The following PRKAG2 variants were observed in gnomAD, a reference collection of about 807,000 sequenced individuals.
PRKAG2 encodes the protein 5'-AMP-activated protein kinase subunit gamma-2.
PRKAG2 carries 26 observed loss-of-function variants against 69.6 expected under a neutral mutation model. The observed-to-expected ratio is 0.37, with a 90% CI of 0.27 to 0.52. The LOEUF is 0.52. PRKAG2 is among the 20% of genes least tolerant of loss of function. The pLI, the probability that PRKAG2 is intolerant of heterozygous loss-of-function variation, is 0.90. For synonymous variants in PRKAG2, 293 were observed against 285.0 expected (o/e 1.03, Z -0.28); for missense variants, 557 against 740.0 (o/e 0.75, Z 2.87).
intron 3 of PRKAG2, among the ~76,000 whole-genome samples, chr7:151,676,075 C>G (rs1344141716): frequency 6.6e-6 from 1 of 152,134 alleles, no homozygotes; most frequent in Non-Finnish European, 1.5e-5. Flanking sequence ...CTATTTTCCT[C>G]CATTCAGCCA....
intron 3 of PRKAG2, among the ~76,000 whole-genome samples, chr7:151,707,710 G>C (rs1838861493): frequency 6.6e-6 from 1 of 152,186 alleles, no homozygotes; most frequent in African/African-American, 2.4e-5. Flanking sequence ...CTGCTGCAGT[G>C]GCAAACAAAG....
At chr7:151,806,684 C>A in intron 1 of PRKAG2, 1 of 201,322 alleles carries the variant, frequency 5.0e-6, no homozygotes, top group Middle Eastern at 1.3e-3. Flanking sequence ...TATGCCAGAG[C>A]TGGCTGGGTA....
chr7:151,570,645 T>G (rs1807323912), intron 9 of PRKAG2, among the ~76,000 whole-genome samples: 1 of 152,244 alleles, frequency 6.6e-6, no homozygotes, highest in African/African-American at 2.4e-5. Context: ...ACTTTGTTCT[T>G]TAAATATTTT....
chr7:151,602,201 T>C (rs1289052155), intron 5 of PRKAG2, among the ~76,000 whole-genome samples: 1 of 152,254 alleles, frequency 6.6e-6, no homozygotes, highest in African/African-American at 2.4e-5. Flanking sequence ...CAGTCAAGCA[T>C]ACATTCAGCC....
chr7:151,593,654 A>G (rs1431484407), intron 6 of PRKAG2, among the ~76,000 whole-genome samples: 1 of 152,116 alleles, frequency 6.6e-6, no homozygotes, highest in African/African-American at 2.4e-5. Context: ...TGTTATTGAA[A>G]CATGTAGTCA....
chr7:151,750,096 C>CAAAA (rs35915808), intron 3 of PRKAG2, among the ~76,000 whole-genome samples: 15 of 62,982 alleles, frequency 2.4e-4, no homozygotes, highest in Non-Finnish European at 2.8e-4. Context: ...GACTCCATCT[C>CAAAA]AAAAAAAAAA....
chr7:151,699,241 G>A lies in PRKAG2; in HGVS notation c.467-23604C>T, dbSNP rs1837251777. On this transcript the variant is annotated intron_variant, in intron 3 of 15. Coordinates refer to ENST00000287878, the MANE Select transcript of PRKAG2 (RefSeq NM_016203.4). The surrounding 1 kb of genome is among the most constrained non-coding windows in gnomAD (Gnocchi z 4.5). Reference sequence around the variant, plus strand: ...TGTAGTTGGAGACTCTTGAGAAACCGAATGAACAATATTTCTGAAGATCTC... The same window carrying A: ...TGTAGTTGGAGACTCTTGAGAAACCAAATGAACAATATTTCTGAAGATCTC... Among the ~76,000 whole-genome samples, 1 of 152,194 alleles carries A rather than the reference G, an allele frequency of 6.6e-6. No individual in the cohort carries two copies. Among genetic ancestry groups the A allele is most frequent in the African/African-American group, 2.4e-5 (1 of 41,446 alleles).
rs1584895763 is a variant in PRKAG2 at position 151,557,778 on chromosome 7, G to A, written c.1679-546C>T. 5 of 559,486 alleles carry A rather than the reference G, an allele frequency of 8.9e-6. No homozygotes were observed. The South Asian group carries it at 3.9e-4, about 44-fold the overall frequency. 34.7% of individuals were successfully genotyped at this position (559,486 alleles called of 1,614,324 possible). A position where few individuals can be genotyped will look rare whatever the true frequency, so the allele number is the denominator to read the frequency against. On this transcript the variant is annotated intron_variant, in intron 15 of 15. Transcript: ENST00000287878. Reference sequence around the variant, plus strand: ...CCAGCTACTTGGGAGACTGAGGCAGGAGAATCGCTTGAATCCGGGAGGTGG... The same window carrying A: ...CCAGCTACTTGGGAGACTGAGGCAGAAGAATCGCTTGAATCCGGGAGGTGG...
chr7:151,711,368 C>T (rs1795289617), intron 3 of PRKAG2, among the ~76,000 whole-genome samples: 1 of 149,176 alleles, frequency 6.7e-6, no homozygotes, highest in Admixed American at 6.6e-5. Context: ...GCTGAGAGTA[C>T]TAATAGTGCT....
chr7:151,772,850 G>C (rs990871359), intron 3 of PRKAG2, among the ~76,000 whole-genome samples: 2 of 151,780 alleles, frequency 1.3e-5, no homozygotes, highest in African/African-American at 4.8e-5. Context: ...ACCAGGCATG[G>C]TGGTGTGCAT....
chr7:151,617,766 A>G (rs1820529273), intron 5 of PRKAG2, among the ~76,000 whole-genome samples: 1 of 152,134 alleles, frequency 6.6e-6, no homozygotes, highest in East Asian at 1.9e-4. Context: ...CCCAAACTTC[A>G]CTTAAAAACT....
At chr7:151,711,478 T>C (rs1404335220) in intron 3 of PRKAG2, among the ~76,000 whole-genome samples, 1 of 152,196 alleles carries the variant, frequency 6.6e-6, no homozygotes. Flanking sequence ...CTAGGCTTAG[T>C]AGTAACAGTA....
chr7:151,809,282 A>C (rs1459014722), intron 1 of PRKAG2: 2 of 456,494 alleles, frequency 4.4e-6, no homozygotes, highest in Non-Finnish European at 8.8e-6. Flanking sequence ...CCCTTCCCAC[A>C]CACCCCTACC....
At chr7:151,559,436 A>G in intron 15 of PRKAG2, 1 of 985,432 alleles carries the variant, frequency 1.0e-6, no homozygotes, top group Non-Finnish European at 1.2e-6. Context: ...CCCCATTTCT[A>G]GAGTTTCTGA....
At chr7:151,775,366 C>T (rs1007011215) in intron 3 of PRKAG2, among the ~76,000 whole-genome samples, 1 of 152,214 alleles carries the variant, frequency 6.6e-6, no homozygotes, top group African/African-American at 2.4e-5. Flanking sequence ...CAGACTAGGA[C>T]TTCTCTGGAT....
At chr7:151,592,433 C>CA (rs1813425144) in intron 6 of PRKAG2, among the ~76,000 whole-genome samples, 1 of 152,176 alleles carries the variant, frequency 6.6e-6, no homozygotes, top group Non-Finnish European at 1.5e-5. Flanking sequence ...GTCGGCCTCT[C>CA]AAGAGACCGA....
In PRKAG2 at chr7:151,807,613, CA is replaced by C; in HGVS notation, c.115-21073del. Reference sequence around the variant, plus strand: ...GTAGGAAGAATGATTCGTTTGCCACCAAAAGCCCAGTTTCTCCAACAGGTAA... The same window carrying C: ...GTAGGAAGAATGATTCGTTTGCCACCAAAGCCCAGTTTCTCCAACAGGTAA... On this transcript the variant is annotated intron_variant, in intron 1 of 15. Coordinates refer to ENST00000287878, the MANE Select transcript of PRKAG2 (RefSeq NM_016203.4). This position sits in a 1 kb window ranked among gnomAD's most constrained non-coding sequence, Gnocchi z 4.4. 2.2e-6 allele frequency: 1 copy of C among 457,786 alleles called. No individual in the cohort carries two copies. The highest frequency in any genetic ancestry group is 4.4e-6 in the Non-Finnish European group (1 of 226,950). 28.4% of individuals were successfully genotyped at this position (457,786 alleles called of 1,614,324 possible). A position where few individuals can be genotyped will look rare whatever the true frequency, so the allele number is the denominator to read the frequency against.
chr7:151,621,217 C>A (rs545968493), intron 5 of PRKAG2, among the ~76,000 whole-genome samples: 1 of 152,302 alleles, frequency 6.6e-6, no homozygotes, highest in Non-Finnish European at 1.5e-5. Flanking sequence ...GCTAGCCTTA[C>A]GGAAGGAGCT....
intron 4 of PRKAG2, among the ~76,000 whole-genome samples, chr7:151,672,576 T>C (rs949108196): frequency 2.6e-5 from 4 of 151,170 alleles, no homozygotes; most frequent in Non-Finnish European, 5.9e-5. Flanking sequence ...CCATTCTACA[T>C]TCCGTCTCTA....
Sources: allele counts gnomAD v4.1 joint callset (sites outside exome capture counted in the v4.1 genomes callset), GRCh38; gene constraint gnomAD v4.1.1; non-coding constraint Gnocchi (gnomAD v3.1); transcripts MANE v1.5; gene names NCBI Gene and HGNC (gene_info 2026-07-23, HGNC 2026-07-21).